DPP10: variants seen among roughly 807,000 people sequenced by gnomAD.
DPP10 encodes the protein dipeptidyl peptidase like 10.
Under a neutral mutation model 120.9 loss-of-function variants are expected in DPP10, and 33 were observed. That is an observed-to-expected ratio of 0.27 (90% confidence interval 0.21 to 0.37). DPP10 has a LOEUF of 0.37. Ranked by LOEUF, DPP10 falls within the 10% of genes least tolerant of loss-of-function variation. The pLI, the probability that DPP10 is intolerant of heterozygous loss-of-function variation, is 1.00. For missense variants in DPP10, 816 were observed against 942.8 expected, an observed-to-expected ratio of 0.87 and a Z score of 1.76; for synonymous variants, 337 against 326.1, an observed-to-expected ratio of 1.03 and a Z score of -0.36.
chr2:115,517,826 C>G (rs1023958386), intron 4 of DPP10, among the ~76,000 whole-genome samples: 3 of 152,144 alleles, frequency 2.0e-5, no homozygotes, highest in Non-Finnish European at 4.4e-5. Flanking sequence ...AGATATCTGT[C>G]TTATCTACTA....
At chr2:115,736,495 GA>G (rs756816117) in intron 8 of DPP10, among the ~76,000 whole-genome samples, 41 of 152,066 alleles carry the variant, frequency 2.7e-4, no homozygotes, top group Non-Finnish European at 5.0e-4. Flanking sequence ...AGGTAATGTG[GA>G]TTATTATGGT....
rs138470559 is a variant in DPP10 at position 114,744,600 on chromosome 2, G to A, written c.60+301762G>A. On this transcript the variant is annotated intron_variant, in intron 1 of 25. Coordinates refer to ENST00000410059, the MANE Select transcript of DPP10 (RefSeq NM_020868.6). ...AAGTTTGAAATAGAGGCAGTTATGC[G>A]GAGAATGCAGGCTACAAAATGGTGT... Among the ~76,000 whole-genome samples the A allele has an allele frequency of 4.3e-3, 655 of 152,264 alleles. 7 individuals carry two copies. Among genetic ancestry groups the A allele is most frequent in the African/African-American group, 0.014 (595 of 41,542 alleles).
At chr2:114,563,714 T>G (rs994065734) in intron 1 of DPP10, among the ~76,000 whole-genome samples, 1 of 152,204 alleles carries the variant, frequency 6.6e-6, no homozygotes, top group African/African-American at 2.4e-5. Context: ...GGCATGTGCA[T>G]TGGCTCCATT....
intron 1 of DPP10, among the ~76,000 whole-genome samples, chr2:114,942,189 C>T (rs919302658): frequency 6.7e-5 from 10 of 150,062 alleles, no homozygotes; most frequent in South Asian, 4.2e-4. Flanking sequence ...AGGAGAATGG[C>T]GTGAACCCGG....
chr2:114,458,740 A>G (rs183239174), intron 1 of DPP10, among the ~76,000 whole-genome samples: 1 of 152,200 alleles, frequency 6.6e-6, no homozygotes, highest in Non-Finnish European at 1.5e-5. Context: ...AAGTATTTTT[A>G]AAAATAATAA....
chr2:115,601,653 A>C (rs1350428336), intron 5 of DPP10, among the ~76,000 whole-genome samples: 2 of 152,142 alleles, frequency 1.3e-5, no homozygotes, highest in Non-Finnish European at 2.9e-5. Context: ...ATTCCCAACT[A>C]GTTGAATAAC....
rs1690406801 is a variant in DPP10 at position 115,844,013 on chromosome 2, CTTTT to C, written c.*1670_*1673del. 6.6e-6 allele frequency: 1 copy of C among 152,552 alleles called. No homozygotes were observed. The highest frequency in any genetic ancestry group is 1.5e-5 in the Non-Finnish European group (1 of 68,000). 9.4% of individuals were successfully genotyped at this position (152,552 alleles called of 1,614,324 possible). The stretch of plus-strand genomic sequence containing the variant: ...TGTGAATCATGGATTTGGTATTCAA[CTTTT>C]TCCCTGGATGCTTTGGAATCGTGTC... On this transcript the variant is annotated 3_prime_UTR_variant, in exon 26 of 26. Coordinates refer to ENST00000410059, the MANE Select transcript of DPP10 (RefSeq NM_020868.6).
At chr2:115,126,719 C>T (rs1005460506) in intron 1 of DPP10, among the ~76,000 whole-genome samples, 2 of 152,032 alleles carry the variant, frequency 1.3e-5, no homozygotes, top group African/African-American at 4.8e-5. Flanking sequence ...ATTTATATTC[C>T]TCTTTTCTCA....
intron 17 of DPP10, 58 bp downstream of exon 17, chr2:115,782,457 G>C: frequency 6.8e-7 from 1 of 1,477,788 alleles, no homozygotes; most frequent in Non-Finnish European, 9.4e-7. Context: ...CTTAGACATC[G>C]TGTTATCTAT....
intron 1 of DPP10, among the ~76,000 whole-genome samples, chr2:114,918,897 A>T (rs1694996431): frequency 6.6e-6 from 1 of 152,094 alleles, no homozygotes; most frequent in Admixed American, 6.6e-5. Context: ...CCTTACTGAC[A>T]CACAACTTAC....
intron 5 of DPP10, among the ~76,000 whole-genome samples, chr2:115,568,540 C>T (rs150647594): frequency 3.9e-5 from 5 of 126,774 alleles, no homozygotes; most frequent in Admixed American, 9.3e-5. Flanking sequence ...TTTATAATTG[C>T]GATGAGGTTG....
At chr2:115,666,266 C>T (rs1254183933) in intron 5 of DPP10, among the ~76,000 whole-genome samples, 1 of 152,162 alleles carries the variant, frequency 6.6e-6, no homozygotes, top group Non-Finnish European at 1.5e-5. Context: ...CACAGTTATG[C>T]ATGGCTGGAG....
rs1199550383 is a variant in DPP10 at position 114,781,621 on chromosome 2, G to A, written c.60+338783G>A. 2.0e-5 allele frequency among the ~76,000 whole-genome samples: 3 copies of A among 152,048 alleles called. No individual in the cohort carries two copies. The East Asian group carries it at 5.8e-4, about 29-fold the overall frequency. On this transcript the variant is annotated intron_variant, in intron 1 of 25. Coordinates refer to ENST00000410059, the MANE Select transcript of DPP10 (RefSeq NM_020868.6). ...GAGCTTATGCTATGAAAAGCCCCCTGGTAGAGAACCTCTTCACCCTAACAG... is the reference window on the plus strand; with the variant it reads ...GAGCTTATGCTATGAAAAGCCCCCTAGTAGAGAACCTCTTCACCCTAACAG...
At chr2:114,913,302 AT>A (rs1475233961) in intron 1 of DPP10, among the ~76,000 whole-genome samples, 1 of 152,046 alleles carries the variant, frequency 6.6e-6, no homozygotes, top group East Asian at 1.9e-4. Flanking sequence ...GGGTCCTGCC[AT>A]CACCTACCAC....
intron 19 of DPP10, among the ~76,000 whole-genome samples, chr2:115,800,197 AT>A (rs1418406814): frequency 1.3e-5 from 2 of 151,622 alleles, no homozygotes; most frequent in African/African-American, 4.9e-5. Context: ...GATGATGAGC[AT>A]TTTTTCATGT....
intron 4 of DPP10, among the ~76,000 whole-genome samples, chr2:115,520,878 C>T (rs1419961232): frequency 1.3e-5 from 2 of 152,150 alleles, no homozygotes; most frequent in African/African-American, 4.8e-5. Flanking sequence ...AAAAGTGAAT[C>T]ATTGTAATGG....
At chr2:115,419,393 G>T (rs1236745044) in intron 3 of DPP10, among the ~76,000 whole-genome samples, 1 of 152,122 alleles carries the variant, frequency 6.6e-6, no homozygotes, top group Non-Finnish European at 1.5e-5. Flanking sequence ...GAAAAGGGGA[G>T]CAGGCATGTC....
chr2:114,844,558 G>C (rs1395306686), intron 1 of DPP10, among the ~76,000 whole-genome samples: 1 of 151,928 alleles, frequency 6.6e-6, no homozygotes, highest in Non-Finnish European at 1.5e-5. Flanking sequence ...AAGTACACAA[G>C]TTGAAATGTA....
At chr2:115,663,724 C>T (rs546535940) in intron 5 of DPP10, among the ~76,000 whole-genome samples, 37 of 152,272 alleles carry the variant, frequency 2.4e-4, no homozygotes, top group African/African-American at 7.7e-4. Context: ...AGGCTGGGCG[C>T]GGTGGCTCAC....
Sources: gnomAD v4.1 joint callset for allele counts (sites outside exome capture counted in the v4.1 genomes callset) on GRCh38, gnomAD v4.1.1 for gene constraint, MANE v1.5 for transcripts, NCBI Gene and HGNC (gene_info 2026-07-23, HGNC 2026-07-21) for gene names.